Variants in TNFRSF1B observed in about 807,000 individuals in gnomAD.
TNFRSF1B encodes tumor necrosis factor receptor superfamily member 1B.
In TNFRSF1B, 19 loss-of-function variants were observed where a neutral mutation model predicts 44.6. The ratio of observed to expected loss-of-function variants is 0.43; its 90% CI spans 0.30 to 0.62. The LOEUF (loss-of-function observed/expected upper bound fraction) is 0.62, where lower values mean the gene tolerates loss of function less well. TNFRSF1B is among the 20% of genes least tolerant of loss of function. The probability of loss-of-function intolerance (pLI) is 0.16; values close to 1 mark genes in which losing one functional copy is unlikely to be tolerated. For synonymous variants in TNFRSF1B, 252 were observed against 261.1 expected (o/e 0.97, Z 0.34); for missense variants, 541 against 619.9 (o/e 0.87, Z 1.35).
intron 8 of TNFRSF1B, among the ~76,000 whole-genome samples, chr1:12,200,811 G>A (rs572456442): frequency 5.3e-5 from 8 of 152,088 alleles, no homozygotes; most frequent in Admixed American, 3.9e-4. Context: ...AGTAGAGACG[G>A]GGTTTTGCCA....
intron 8 of TNFRSF1B, among the ~76,000 whole-genome samples, chr1:12,197,855 A>G (rs780694014): frequency 3.9e-5 from 6 of 152,116 alleles, no homozygotes; most frequent in African/African-American, 7.2e-5. Flanking sequence ...GCCGGGCGCC[A>G]TGGCTCACGC....
intron 3 of TNFRSF1B, 127 bp downstream of exon 3, chr1:12,191,212 G>A (rs1388596279): frequency 6.1e-6 from 8 of 1,302,206 alleles, no homozygotes; most frequent in Non-Finnish European, 8.5e-6. Flanking sequence ...TGGCACAGGT[G>A]CAGCTGTTTA....
Position 12,207,306 on chromosome 1 carries a change from GACCTGCCCCGCCCAGCTGC to G in TNFRSF1B, c.*294_*312del. On this transcript the variant is annotated 3_prime_UTR_variant, in exon 10 of 10. Transcript: ENST00000376259. The stretch of plus-strand genomic sequence containing the variant: ...CTGGGGCAAGTCCCTGACTCTCTGT[GACCTGCCCCGCCCAGCTGC>G]ACCTGCCAGCCTGGCTTCTGGAGCC... The G allele has an allele frequency of 2.7e-6, 1 of 374,140 alleles. No homozygotes were observed. Among genetic ancestry groups the G allele is most frequent in the Non-Finnish European group, 4.8e-6 (1 of 210,388 alleles). 23.2% of individuals were successfully genotyped at this position (374,140 alleles called of 1,614,324 possible).
intron 1 of TNFRSF1B, among the ~76,000 whole-genome samples, chr1:12,183,618 TGTC>T: frequency 8.5e-6 from 1 of 117,900 alleles, no homozygotes; most frequent in Non-Finnish European, 2.1e-5. Context: ...TCTATCTGTT[TGTC>T]TGTCTGTTTT....
Position 12,194,002 on chromosome 1 carries a change from G to A in TNFRSF1B, c.835G>A (p.Val279Met), listed in dbSNP as rs776907951. ...TALGLLIIGV[V>M]NCVIMTQVKK... Reference sequence around the variant, plus strand: ...CTTGGGTCTACTAATAATAGGAGTGGTGAACTGTGTCATCATGACCCAGGT... The same window carrying A: ...CTTGGGTCTACTAATAATAGGAGTGATGAACTGTGTCATCATGACCCAGGT... Residue 279 changes from valine (V) to methionine (M), a missense_variant, in exon 7 of 10, where the codon GTG becomes ATG. Transcript: ENST00000376259. 1 of 1,614,070 alleles carries A rather than the reference G, an allele frequency of 6.2e-7. No homozygotes were observed. The highest frequency in any genetic ancestry group is 2.2e-5 in the East Asian group (1 of 44,880).
At chr1:12,206,277 TGTG>T (rs2101131091) in intron 9 of TNFRSF1B, among the ~76,000 whole-genome samples, 1 of 150,200 alleles carries the variant, frequency 6.7e-6, no homozygotes, top group East Asian at 2.0e-4. Context: ...AGGAGGCTGA[TGTG>T]GGAGGATCAC....
chr1:12,203,020 G>T (rs1639426030), intron 9 of TNFRSF1B, among the ~76,000 whole-genome samples: 1 of 152,234 alleles, frequency 6.6e-6, no homozygotes, highest in South Asian at 2.1e-4. Flanking sequence ...CCTGGTCTAT[G>T]ACAGATGTCA....
intron 1 of TNFRSF1B, among the ~76,000 whole-genome samples, chr1:12,181,778 A>G (rs1021394789): frequency 2.0e-5 from 3 of 152,146 alleles, no homozygotes; most frequent in African/African-American, 4.8e-5. Flanking sequence ...CTCTCTCCAG[A>G]GGCCCAGGAC....
chr1:12,189,759 C>G (rs56143124), intron 2 of TNFRSF1B, among the ~76,000 whole-genome samples: 1 of 152,064 alleles, frequency 6.6e-6, no homozygotes, highest in Non-Finnish European at 1.5e-5. Context: ...TCAGGTAAGG[C>G]GGGGGAGACA....
rs2101133327 is a variant in TNFRSF1B, at chr1:12,207,241, C to T, written c.*221C>T. 4 of 444,796 alleles carry T rather than the reference C, an allele frequency of 9.0e-6. No individual in the cohort carries two copies. The highest frequency in any genetic ancestry group is 1.1e-3 in the Middle Eastern group (2 of 1,772). 27.6% of individuals were successfully genotyped at this position (444,796 alleles called of 1,614,324 possible). On this transcript the variant is annotated 3_prime_UTR_variant, in exon 10 of 10. Transcript: ENST00000376259. ...AAAGCCTCTGCTGCCATGGCGTGTC[C>T]CTCTCGGAAGGCTGGCTGGGCATGG... is the stretch of plus-strand genomic sequence containing the variant.
At chr1:12,193,662 G>A (rs1181872875) in intron 6 of TNFRSF1B, among the ~76,000 whole-genome samples, 1 of 152,196 alleles carries the variant, frequency 6.6e-6, no homozygotes, top group African/African-American at 2.4e-5. Context: ...CCTTGCTGCT[G>A]TTTCTGATGA....
At chr1:12,173,722 C>G (rs1178995048) in intron 1 of TNFRSF1B, among the ~76,000 whole-genome samples, 3 of 152,220 alleles carry the variant, frequency 2.0e-5, no homozygotes, top group African/African-American at 7.2e-5. Context: ...GCTGCTCTGA[C>G]CCGGTTCTGA....
At chr1:12,181,553 C>T (rs1024069510) in intron 1 of TNFRSF1B, among the ~76,000 whole-genome samples, 16 of 152,284 alleles carry the variant, frequency 1.1e-4, no homozygotes, top group African/African-American at 3.6e-4. Flanking sequence ...GACCTCCTGG[C>T]GGTGCACAGA....
intron 9 of TNFRSF1B, among the ~76,000 whole-genome samples, chr1:12,205,423 G>C (rs1417817597): frequency 6.6e-6 from 1 of 152,112 alleles, no homozygotes; most frequent in Non-Finnish European, 1.5e-5. Context: ...AAGGACTGTG[G>C]GTTTTTGAGC....
At position 12,192,510 on chromosome 1, in the gene TNFRSF1B, C is replaced by T; in HGVS notation, c.537C>T (p.Cys179=). 1 of 1,614,112 alleles carries T rather than the reference C, an allele frequency of 6.2e-7. No homozygotes were observed. Among genetic ancestry groups the T allele is most frequent in the Admixed American group, 1.7e-5 (1 of 60,024 alleles). The change falls in exon 5 of 10, where the codon TGC becomes TGT. Residue 179 remains cysteine (C), a synonymous_variant. Transcript: ENST00000376259. ...ACACGACTTCATCCACGGATATTTGCAGGCCCCACCAGATGTGAGTAGCTG... is the reference window on the plus strand; with the variant it reads ...ACACGACTTCATCCACGGATATTTGTAGGCCCCACCAGATGTGAGTAGCTG... ...FSNTTSSTDI[C]RPHQICNVVA...
In TNFRSF1B at chr1:12,178,128, T is replaced by G. The variant is rs1397483653; in HGVS notation, c.79-10668T>G. 1.3e-5 allele frequency among the ~76,000 whole-genome samples: 2 copies of G among 152,234 alleles called. No homozygotes were observed. The highest frequency in any genetic ancestry group is 2.4e-5 in the African/African-American group (1 of 41,462). ...CACTGGTGCACTCAGTCTGCTGCTC[T>G]GAGGACGCCGCCCCCTCTCTTTGTA... On this transcript the variant is annotated intron_variant, in intron 1 of 9. Transcript: ENST00000376259. The surrounding 1 kb of genome is among the most constrained non-coding windows in gnomAD (Gnocchi z 4.3).
intron 9 of TNFRSF1B, among the ~76,000 whole-genome samples, chr1:12,203,071 C>T (rs1639426952): frequency 3.3e-5 from 5 of 152,248 alleles, no homozygotes; most frequent in Admixed American, 2.0e-4. Context: ...GGAGGGGCCC[C>T]TGTACAGGGT....
In TNFRSF1B at chr1:12,192,518, A is replaced by T. The variant is rs776601667; in HGVS notation, c.545A>T (p.His182Leu). The change falls in exon 5 of 10, where the codon CAC (histidine) becomes CTC (leucine). Residue 182 changes from histidine to leucine, a missense_variant. Coordinates refer to ENST00000376259, the MANE Select transcript of TNFRSF1B (RefSeq NM_001066.3). Reference sequence around the variant, plus strand: ...TCATCCACGGATATTTGCAGGCCCCACCAGATGTGAGTAGCTGAGTCCTTT... The same window carrying T: ...TCATCCACGGATATTTGCAGGCCCCTCCAGATGTGAGTAGCTGAGTCCTTT... ...TTSSTDICRP[H>L]QICNVVAIPG... 2 of 1,614,070 alleles carry T rather than the reference A, an allele frequency of 1.2e-6. No homozygotes were observed. The highest frequency in any genetic ancestry group is 8.5e-7 in the Non-Finnish European group (1 of 1,179,988).
rs1005594815 is a variant in TNFRSF1B, at chr1:12,187,934, C to A, written c.79-862C>A. 5.9e-5 allele frequency among the ~76,000 whole-genome samples: 9 copies of A among 152,180 alleles called. No individual in the cohort carries two copies. Among genetic ancestry groups the A allele is most frequent in the Non-Finnish European group, 1.2e-4 (8 of 68,024 alleles). The stretch of plus-strand genomic sequence containing the variant: ...TGGAGCATTCATTATCAGCCAACAC[C>A]CACAGCAGCTGGGGGAGCGGTGCCC... On this transcript the variant is annotated intron_variant, in intron 1 of 9. Coordinates refer to ENST00000376259, the MANE Select transcript of TNFRSF1B (RefSeq NM_001066.3). This position sits in a 1 kb window ranked among gnomAD's most constrained non-coding sequence, Gnocchi z 5.5.
Sources: gnomAD v4.1 joint callset for allele counts (sites outside exome capture counted in the v4.1 genomes callset) on GRCh38, gnomAD v4.1.1 for gene constraint, Gnocchi (gnomAD v3.1) non-coding constraint, MANE v1.5 for transcripts, NCBI Gene and HGNC (gene_info 2026-07-23, HGNC 2026-07-21) for gene names.